The following APH1B variants were observed in gnomAD, a reference collection of about 807,000 sequenced individuals.
APH1B encodes the protein aph-1B gamma-secretase subunit, also known as gamma-secretase subunit APH-1B.
In APH1B, 27 loss-of-function variants were observed where a neutral mutation model predicts 28.2. That is an observed-to-expected ratio of 0.96 (90% confidence interval 0.70 to 1.32). APH1B has a LOEUF of 1.32. Ranked by LOEUF, APH1B falls within the 40% of genes most tolerant of loss-of-function variation. The pLI is 0.00. For missense variants in APH1B, 305 were observed against 313.6 expected (o/e 0.97, Z 0.21); for synonymous variants, 141 against 124.6 (o/e 1.13, Z -0.88).
At position 63,307,121 on chromosome 15, in the gene APH1B, C is replaced by T. The variant is rs140956620; in HGVS notation, c.*1340C>T. The T allele has an allele frequency of 6.6e-6, 1 of 152,264 alleles. No homozygotes were observed. Among genetic ancestry groups the T allele is most frequent in the East Asian group, 1.9e-4 (1 of 5,184 alleles). The allele number at this position is 152,264 out of a possible 1,614,324, so 9.4% of individuals were successfully genotyped here. A position where few individuals can be genotyped will look rare whatever the true frequency, so the allele number is the denominator to read the frequency against. Reference sequence around the variant, plus strand: ...ATTAAAGTGATGTCTCAGTGAATACCATACATGCAGTAGAACATTCAGAAG... The same window carrying T: ...ATTAAAGTGATGTCTCAGTGAATACTATACATGCAGTAGAACATTCAGAAG... On this transcript the variant is annotated 3_prime_UTR_variant, in exon 6 of 6. Transcript: ENST00000261879.
At chr15:63,299,826 G>C (rs892242469) in intron 4 of APH1B, among the ~76,000 whole-genome samples, 4 of 151,880 alleles carry the variant, frequency 2.6e-5, no homozygotes, top group Admixed American at 2.6e-4. Context: ...CATCCAATTG[G>C]AAAAGGCAAT....
intron 4 of APH1B, chr15:63,291,667 T>G (rs2038508137): frequency 6.6e-6 from 1 of 152,352 alleles, no homozygotes; most frequent in African/African-American, 2.4e-5. Context: ...AGATTATTTT[T>G]GTCCCAATTT....
intron 2 of APH1B, among the ~76,000 whole-genome samples, chr15:63,281,950 T>C (rs1001530379): frequency 6.6e-6 from 1 of 152,166 alleles, no homozygotes; most frequent in African/African-American, 2.4e-5. Context: ...ATGTGTGCTT[T>C]TCTGAAAGGA....
At chr15:63,302,519 A>G (rs745687153) in intron 5 of APH1B, 47 bp downstream of exon 5, 22 of 1,585,482 alleles carry the variant, frequency 1.4e-5, no homozygotes, top group East Asian at 2.3e-5. Context: ...ACTCAAGTCT[A>G]TGTATCTAAA....
chr15:63,287,697 A>C, intron 4 of APH1B, 151 bp downstream of exon 4: 1 of 1,098,856 alleles, frequency 9.1e-7, no homozygotes, highest in Admixed American at 2.7e-5. Flanking sequence ...TAAAAGACTT[A>C]GGAAAATAAA....
At chr15:63,301,869 C>T (rs1420604212) in intron 4 of APH1B, among the ~76,000 whole-genome samples, 3 of 152,200 alleles carry the variant, frequency 2.0e-5, no homozygotes, top group Admixed American at 6.5e-5. Flanking sequence ...CCTCGGCCTC[C>T]CAAAGTGCTG....
intron 4 of APH1B, among the ~76,000 whole-genome samples, chr15:63,300,158 A>G (rs1187121128): frequency 1.3e-5 from 2 of 152,158 alleles, no homozygotes; most frequent in African/African-American, 2.4e-5. Context: ...GTATCTGGTC[A>G]GGGGTCAAGA....
Position 63,302,469 on chromosome 15 carries a change from C to T in APH1B, c.603C>T (p.Ala201=), listed in dbSNP as rs2038642901. 4 of 1,612,890 alleles carry T rather than the reference C, an allele frequency of 2.5e-6. No homozygotes were observed. Among genetic ancestry groups the T allele is most frequent in the Non-Finnish European group, 2.5e-6 (3 of 1,179,544 alleles). The change falls in exon 5 of 6, where the codon GCC becomes GCT. Residue 201 remains alanine, a synonymous_variant. Coordinates refer to ENST00000261879, the MANE Select transcript of APH1B (RefSeq NM_031301.4). ...IVLLTHLLVS[A]QTFISSYYGI... ...TCCTGACCCACCTGCTGGTGTCAGC[C>T]CAGGTGAGTGTTGCCGCCATGCTCA...
intron 1 of APH1B, among the ~76,000 whole-genome samples, chr15:63,278,111 C>T (rs1177183481): frequency 1.3e-5 from 2 of 152,100 alleles, no homozygotes; most frequent in Non-Finnish European, 2.9e-5. Context: ...AAACCATTGG[C>T]GTTTAGGATA....
intron 2 of APH1B, among the ~76,000 whole-genome samples, chr15:63,279,969 T>C (rs2038368629): frequency 6.6e-6 from 1 of 152,096 alleles, no homozygotes; most frequent in African/African-American, 2.4e-5. Context: ...GGCTAATTTT[T>C]GTAATTTTAG....
At chr15:63,299,252 G>A (rs1449205049) in intron 4 of APH1B, among the ~76,000 whole-genome samples, 2 of 152,134 alleles carry the variant, frequency 1.3e-5, no homozygotes, top group Non-Finnish European at 2.9e-5. Flanking sequence ...AGACTTCTTA[G>A]TAAGAAGGAC....
chr15:63,277,622 C>G lies in APH1B; in HGVS notation c.-2C>G, dbSNP rs780220411. ...GCCCCCGGGTCGGTTTCCGCGGTGG[C>G]CATGACTGCGGCCGTGTTCTTCGGC... is the stretch of plus-strand genomic sequence containing the variant. On this transcript the variant is annotated 5_prime_UTR_variant, in exon 1 of 6. Coordinates refer to ENST00000261879, the MANE Select transcript of APH1B (RefSeq NM_031301.4). 1 of 1,455,318 alleles carries G rather than the reference C, an allele frequency of 6.9e-7. No individual in the cohort carries two copies. Among genetic ancestry groups the G allele is most frequent in the Non-Finnish European group, 9.2e-7 (1 of 1,085,998 alleles). The allele number at this position is 1,455,318 out of a possible 1,614,324, so 90.2% of individuals were successfully genotyped here.
Position 63,300,321 on chromosome 15 carries a change from C to G in APH1B, c.479-2024C>G, listed in dbSNP as rs138633809. On this transcript the variant is annotated intron_variant, in intron 4 of 5. Coordinates refer to ENST00000261879, the MANE Select transcript of APH1B (RefSeq NM_031301.4). ...GGGCTGCCCTGGTAACATCAATATT[C>G]AGAAAGAATGGCAAACATAAGCTGC... Among the ~76,000 whole-genome samples the G allele has an allele frequency of 2.4e-3, 358 of 152,256 alleles. 3 individuals are homozygous for G. Among genetic ancestry groups the G allele is most frequent in the African/African-American group, 8.3e-3 (343 of 41,552 alleles).
At chr15:63,291,149 C>T (rs1449617102) in intron 4 of APH1B, among the ~76,000 whole-genome samples, 1 of 152,066 alleles carries the variant, frequency 6.6e-6, no homozygotes, top group Non-Finnish European at 1.5e-5. Flanking sequence ...TATTTAAGTG[C>T]TTATAAGCTC....
chr15:63,284,580 CACG>C (rs2038426498), intron 2 of APH1B, among the ~76,000 whole-genome samples: 1 of 102 alleles, frequency 9.8e-3, no homozygotes, highest in Admixed American at 0.083. Context: ...TCACCACAAA[CACG>C]GGGGGTGATG....
chr15:63,286,675 G>C, intron 3 of APH1B, 47 bp downstream of exon 3: 1 of 1,508,646 alleles, frequency 6.6e-7, no homozygotes, highest in Middle Eastern at 1.7e-4. Flanking sequence ...ATCATACTTG[G>C]CATAAAAGTC....
intron 4 of APH1B, among the ~76,000 whole-genome samples, chr15:63,293,749 G>A (rs1345746458): frequency 6.6e-6 from 1 of 151,980 alleles, no homozygotes; most frequent in Non-Finnish European, 1.5e-5. Flanking sequence ...GCCCGCTTTG[G>A]CCTTCCAAAG....
intron 4 of APH1B, chr15:63,292,067 C>T (rs746161647): frequency 2.6e-5 from 4 of 152,100 alleles, no homozygotes; most frequent in East Asian, 1.9e-4. Context: ...CTTTTCTATT[C>T]GTAATATTTT....
chr15:63,288,427 G>A (rs1050703263), intron 4 of APH1B, among the ~76,000 whole-genome samples: 1 of 152,168 alleles, frequency 6.6e-6, no homozygotes, highest in Admixed American at 6.5e-5. Flanking sequence ...AAGCCCAGTG[G>A]ACACTCATTC....
Sources: allele counts gnomAD v4.1 joint callset (sites outside exome capture counted in the v4.1 genomes callset), GRCh38; gene constraint gnomAD v4.1.1; transcripts MANE v1.5; gene names NCBI Gene and HGNC (gene_info 2026-07-23, HGNC 2026-07-21).